The following LPA variants were observed in gnomAD, a reference collection of about 807,000 sequenced individuals.
LPA encodes the protein apolipoprotein(a).
LPA carries 199 observed loss-of-function variants against 197.9 expected under a neutral mutation model. The ratio of observed to expected loss-of-function variants is 1.01; its 90% CI spans 0.90 to 1.13. The LOEUF (loss-of-function observed/expected upper bound fraction) is 1.13. Among genes scored for constraint, LPA ranks in the 50% most tolerant of loss-of-function variants. The pLI, the probability that LPA is intolerant of heterozygous loss-of-function variation, is 0.00. For missense variants in LPA, 1,853 were observed against 1,785.8 expected, an observed-to-expected ratio of 1.04 and a Z score of -0.68; for synonymous variants, 715 against 639.5, an observed-to-expected ratio of 1.12 and a Z score of -1.78.
In LPA at chr6:160,531,654, A is replaced by T; in HGVS notation, c.*75T>A. The stretch of plus-strand genomic sequence containing the variant: ...TGTCTTCGTTTGATTGCTGTCTATT[A>T]TTTCCAGCATGCTAAATCCTTACCC... On this transcript the variant is annotated 3_prime_UTR_variant, in exon 39 of 39. Transcript: ENST00000316300. The T allele has an allele frequency of 1.3e-6, 2 of 1,578,322 alleles. No individual in the cohort carries two copies. The highest frequency in any genetic ancestry group is 1.7e-5 in the Admixed American group (1 of 59,880).
intron 23 of LPA, 44 bp downstream of exon 23, chr6:160,590,900 T>A (rs377459918): frequency 1.2e-6 from 2 of 1,613,354 alleles, no homozygotes; most frequent in Non-Finnish European, 1.7e-6. Context: ...ACTCTTTTTA[T>A]CCCAACGTCC....
At position 160,611,517 on chromosome 6, in the gene LPA, T is replaced by A. The variant is rs762570044; in HGVS notation, c.2603+45A>T. On this transcript the variant is annotated intron_variant, in intron 16 of 38. Transcript: ENST00000316300. Reference sequence around the variant, plus strand: ...GAAGCATGTCTCTTGTCACAGAAACTTCAGTTGGCCCTTTATTCTCTTATG... The same window carrying A: ...GAAGCATGTCTCTTGTCACAGAAACATCAGTTGGCCCTTTATTCTCTTATG... The A allele has an allele frequency of 4.5e-5, 72 of 1,604,880 alleles. 3 individuals carry two copies. In the South Asian group the frequency reaches 7.6e-4, roughly 17 times the overall value.
At position 160,647,111 on chromosome 6, in the gene LPA, C is replaced by G. The variant is rs183280395; in HGVS notation, c.210-716G>C. Among the ~76,000 whole-genome samples the G allele has an allele frequency of 4.6e-5, 7 of 152,332 alleles. No homozygotes were observed. The East Asian group carries it at 1.4e-3, about 29-fold the overall frequency. On this transcript the variant is annotated intron_variant, in intron 2 of 38. Coordinates refer to ENST00000316300, the MANE Select transcript of LPA (RefSeq NM_005577.4). ...CTCTAGAATGGGTTCCTGGGCAGGA[C>G]CTTCTCTCCTGCTCTCAGTCTATCC...
At chr6:160,611,441 T>G in intron 16 of LPA, 121 bp downstream of exon 16, 2 of 1,519,430 alleles carry the variant, frequency 1.3e-6, no homozygotes, top group Non-Finnish European at 1.8e-6. Flanking sequence ...CCTGAGACAT[T>G]TTGCTACACC....
At chr6:160,588,194 G>T (rs545426172) in intron 24 of LPA, among the ~76,000 whole-genome samples, 1 of 151,916 alleles carries the variant, frequency 6.6e-6, no homozygotes, top group Non-Finnish European at 1.5e-5. Context: ...TAGAAGTAAC[G>T]CAATAGGAAT....
chr6:160,569,845 A>G (rs957835346), intron 28 of LPA, among the ~76,000 whole-genome samples: 2 of 152,252 alleles, frequency 1.3e-5, no homozygotes, highest in African/African-American at 4.8e-5. Context: ...GACAATTCTC[A>G]AAAGAAAACT....
At chr6:160,550,090 G>C (rs1033184221) in intron 30 of LPA, among the ~76,000 whole-genome samples, 1 of 152,060 alleles carries the variant, frequency 6.6e-6, no homozygotes, top group Non-Finnish European at 1.5e-5. Context: ...GCGCAGTGGC[G>C]CACATCTGTA....
chr6:160,620,945 G>C, intron 12 of LPA, among the ~76,000 whole-genome samples: 1 of 78,326 alleles, frequency 1.3e-5, no homozygotes, highest in Non-Finnish European at 2.4e-5. Flanking sequence ...TCATTCTGTA[G>C]GTTCTCTAGA....
intron 27 of LPA, 104 bp downstream of exon 27, chr6:160,578,419 A>G: frequency 7.0e-7 from 1 of 1,422,284 alleles, no homozygotes; most frequent in Non-Finnish European, 9.9e-7. Context: ...CACATTGCAG[A>G]CCCTCAACCA....
intron 22 of LPA, among the ~76,000 whole-genome samples, chr6:160,593,466 C>A (rs1779069323): frequency 6.6e-6 from 1 of 152,196 alleles, no homozygotes; most frequent in South Asian, 2.1e-4. Context: ...GTGCTGGCAA[C>A]ACATAGCTCT....
chr6:160,605,475 A>G (rs996918401), intron 17 of LPA, among the ~76,000 whole-genome samples: 1 of 152,214 alleles, frequency 6.6e-6, no homozygotes, highest in African/African-American at 2.4e-5. Context: ...GCTTAGAAAA[A>G]AAGGACAAAT....
chr6:160,610,656 A>C (rs1779479368), intron 16 of LPA, among the ~76,000 whole-genome samples: 1 of 152,124 alleles, frequency 6.6e-6, no homozygotes. Context: ...TTCCTCCACA[A>C]ACCAGTTCTT....
At chr6:160,648,888 C>G (rs940388294) in intron 2 of LPA, among the ~76,000 whole-genome samples, 1 of 152,106 alleles carries the variant, frequency 6.6e-6, no homozygotes, top group Non-Finnish European at 1.5e-5. Context: ...ATTTCTGTCT[C>G]TTCTGGGTCT....
At chr6:160,643,083 A>AATTTGTGTGTGTGT (rs1332336973) in intron 4 of LPA, among the ~76,000 whole-genome samples, 32 of 131,028 alleles carry the variant, frequency 2.4e-4, no homozygotes, top group African/African-American at 8.3e-4. Flanking sequence ...GTGTGTTTTC[A>AATTTGTGTGTGTGT]GTGTGTGTGT....
intron 26 of LPA, among the ~76,000 whole-genome samples, chr6:160,579,465 G>A (rs1778749411): frequency 6.6e-6 from 1 of 152,122 alleles, no homozygotes; most frequent in African/African-American, 2.4e-5. Flanking sequence ...CTGAAGGAAT[G>A]GGTGATGAGT....
At chr6:160,544,178 G>A (rs1344716527) in intron 33 of LPA, among the ~76,000 whole-genome samples, 1 of 152,084 alleles carries the variant, frequency 6.6e-6, no homozygotes, top group Non-Finnish European at 1.5e-5. Context: ...GGGTGTTTGA[G>A]GCAGGTAAGT....
chr6:160,655,838 AAAAGCGAGCAAGGTCTCTCC>A (rs1213231241), intron 1 of LPA, among the ~76,000 whole-genome samples: 1 of 152,208 alleles, frequency 6.6e-6, no homozygotes, highest in African/African-American at 2.4e-5. Flanking sequence ...CGTGGAAGTG[AAAAGCGAGCAAGGTCTCTCC>A]AAATAAGATT....
At chr6:160,650,802 G>A (rs1779992071) in intron 1 of LPA, among the ~76,000 whole-genome samples, 1 of 152,116 alleles carries the variant, frequency 6.6e-6, no homozygotes, top group South Asian at 2.1e-4. Context: ...TGTTCATGAG[G>A]ACCACAGGAC....
At chr6:160,661,406 A>G (rs1780224306) in intron 1 of LPA, among the ~76,000 whole-genome samples, 1 of 152,180 alleles carries the variant, frequency 6.6e-6, no homozygotes, top group African/African-American at 2.4e-5. Flanking sequence ...AAGATGACAC[A>G]CTGCAGAGAA....
Sources: allele counts gnomAD v4.1 joint callset (sites outside exome capture counted in the v4.1 genomes callset), GRCh38; gene constraint gnomAD v4.1.1; transcripts MANE v1.5; gene names NCBI Gene and HGNC (gene_info 2026-07-23, HGNC 2026-07-21).